The following CACNA1A variants were observed in gnomAD, a reference collection of about 807,000 sequenced individuals.
The protein encoded by CACNA1A is voltage-dependent P/Q-type calcium channel subunit alpha-1A.
A neutral mutation model predicts 262.4 loss-of-function variants in CACNA1A; 57 were observed. That is an observed-to-expected ratio of 0.22 (90% CI 0.18 to 0.27). The LOEUF (loss-of-function observed/expected upper bound fraction) is 0.27, where lower values mean the gene tolerates loss of function less well. Ranked by LOEUF, CACNA1A falls within the 10% of genes least tolerant of loss-of-function variation. CACNA1A has a pLI of 1.00. For synonymous variants in CACNA1A, 1,431 were observed against 1,419.3 expected (o/e 1.01, Z -0.18); for missense variants, 2,526 against 3,562.8 (o/e 0.71, Z 7.41).
At position 13,378,312 on chromosome 19, in the gene CACNA1A, G is replaced by C. The variant is rs2059452658; in HGVS notation, c.540-6533C>G. On this transcript the variant is annotated intron_variant, in intron 3 of 46. Transcript: ENST00000360228. ...AAAATTCTGTGAACACTGTTAAAAT[G>C]ACAACATGAGATTTAGAATATGACA... 2.0e-5 allele frequency among the ~76,000 whole-genome samples: 3 copies of C among 152,174 alleles called. No homozygotes were observed. In the South Asian group the frequency reaches 6.2e-4, roughly 32 times the overall value.
At chr19:13,305,154 G>C (rs2144988487) in intron 15 of CACNA1A, among the ~76,000 whole-genome samples, 1 of 152,344 alleles carries the variant, frequency 6.6e-6, no homozygotes, top group African/African-American at 2.4e-5. Context: ...GATCAAGCGA[G>C]TTTCCACTGT....
intron 6 of CACNA1A, among the ~76,000 whole-genome samples, chr19:13,354,494 C>T (rs545466611): frequency 1.3e-5 from 2 of 152,328 alleles, no homozygotes; most frequent in African/African-American, 4.8e-5. Context: ...CTGTGTCCTC[C>T]TCAGCAGAAA....
chr19:13,323,828 C>A (rs1451815876), intron 10 of CACNA1A, among the ~76,000 whole-genome samples: 1 of 152,046 alleles, frequency 6.6e-6, no homozygotes, highest in Non-Finnish European at 1.5e-5. Flanking sequence ...GAGGTCCTGT[C>A]CAAAAAATCA....
intron 1 of CACNA1A, among the ~76,000 whole-genome samples, chr19:13,468,812 C>G (rs2061299541): frequency 6.6e-6 from 1 of 151,944 alleles, no homozygotes; most frequent in South Asian, 2.1e-4. Flanking sequence ...AATAAAAAAC[C>G]TTTAACCTGG....
At chr19:13,280,810 G>A (rs918208625) in intron 22 of CACNA1A, among the ~76,000 whole-genome samples, 3 of 151,806 alleles carry the variant, frequency 2.0e-5, no homozygotes, top group East Asian at 1.9e-4. Flanking sequence ...GTGTGGTGGC[G>A]CCTGCCTGTA....
chr19:13,415,871 C>G (rs2060212256), intron 3 of CACNA1A, among the ~76,000 whole-genome samples: 1 of 150,432 alleles, frequency 6.6e-6, no homozygotes, highest in Non-Finnish European at 1.5e-5. Context: ...GGTCACCTAG[C>G]AAGTGAGGGA....
chr19:13,286,950 C>A lies in CACNA1A; in HGVS notation c.3106G>T (p.Gly1036Trp). The stretch of plus-strand genomic sequence containing the variant: ...AGGTTGGGGCCCGACACAGGGACCC[C>A]GGAGCCCTGGTTCTCTCTGAGGAAG... The part of the protein sequence containing the change: ...HRRRKENQGS[G>W]VPVSGPNLST... Residue 1036 changes from glycine to tryptophan, a missense_variant, in exon 20 of 47, where the codon GGG (glycine) becomes TGG (tryptophan). Physicochemically the swap from Gly to Trp is radical, Grantham distance 184. This residue lies in a region of CACNA1A where 765 missense variants were observed against 748.6 expected (regional missense o/e 1.02). Coordinates refer to ENST00000360228, the MANE Select transcript of CACNA1A (RefSeq NM_001127222.2). 4.4e-6 allele frequency: 7 copies of A among 1,601,262 alleles called. No individual in the cohort carries two copies. Among genetic ancestry groups the A allele is most frequent in the Non-Finnish European group, 6.0e-6 (7 of 1,172,568 alleles).
At chr19:13,394,102 G>T (rs970575000) in intron 3 of CACNA1A, among the ~76,000 whole-genome samples, 1 of 152,112 alleles carries the variant, frequency 6.6e-6, no homozygotes, top group Non-Finnish European at 1.5e-5. Flanking sequence ...AACATTTCTT[G>T]AGTGCTTGCT....
chr19:13,431,037 G>C (rs971814208), intron 3 of CACNA1A, among the ~76,000 whole-genome samples: 2 of 152,026 alleles, frequency 1.3e-5, no homozygotes, highest in African/African-American at 4.8e-5. Flanking sequence ...AGTGAGTGGA[G>C]AGGAGAGTGG....
chr19:13,207,365 G>T lies in CACNA1A; in HGVS notation c.7469C>A (p.Ser2490Tyr), dbSNP rs749084618. Reference sequence around the variant, plus strand: ...GTAGGGTTCGTGCAGGCCCTTCCTGGAGCCCGGCCCGCGGGGCCTGGCCAG... The same window carrying T: ...GTAGGGTTCGTGCAGGCCCTTCCTGTAGCCCGGCCCGCGGGGCCTGGCCAG... Reference protein sequence around the residue: ...HGLARPRGPGSRKGLHEPYSE... With the variant: ...HGLARPRGPGYRKGLHEPYSE... The change falls in exon 47 of 47, where the codon TCC becomes TAC. Residue 2490 changes from serine to tyrosine, a missense_variant. Physicochemically the swap from Ser to Tyr is moderately radical, Grantham distance 144 (BLOSUM62 -2). Around this residue, in one of 17 missense-constraint regions of CACNA1A, gnomAD observed 929 missense variants for 868.1 expected, o/e 1.07. Coordinates refer to ENST00000360228, the MANE Select transcript of CACNA1A (RefSeq NM_001127222.2). The surrounding 1 kb of genome is among the most constrained non-coding windows in gnomAD (Gnocchi z 5.7). The T allele has an allele frequency of 2.6e-6, 4 of 1,553,868 alleles. No individual in the cohort carries two copies. Among genetic ancestry groups the T allele is most frequent in the East Asian group, 2.4e-5 (1 of 42,124 alleles).
chr19:13,261,918 T>C, intron 25 of CACNA1A: 1 of 263,180 alleles, frequency 3.8e-6, no homozygotes, highest in Non-Finnish European at 7.3e-6. Flanking sequence ...CTCTCAATCC[T>C]TTTGAGTGAA....
intron 31 of CACNA1A, among the ~76,000 whole-genome samples, chr19:13,240,128 G>A (rs188627167): frequency 2.7e-5 from 4 of 149,572 alleles, no homozygotes; most frequent in Admixed American, 6.7e-5. Context: ...GCCAGCCTGG[G>A]TGACAGAGCG....
intron 1 of CACNA1A, among the ~76,000 whole-genome samples, chr19:13,494,611 C>G (rs185260498): frequency 7.8e-4 from 119 of 152,248 alleles, no homozygotes; most frequent in African/African-American, 2.7e-3. Context: ...GTGTGTTAGT[C>G]CGTTTTCACA....
intron 3 of CACNA1A, among the ~76,000 whole-genome samples, chr19:13,416,299 T>C (rs1116199): frequency 0.55 from 82,699 of 151,644 alleles, 22,648 homozygotes; most frequent in East Asian, 0.61. Context: ...GATGGGGTCT[T>C]CCTATGTTGC....
At chr19:13,325,051 T>A (rs2058329941) in intron 10 of CACNA1A, among the ~76,000 whole-genome samples, 1 of 151,026 alleles carries the variant, frequency 6.6e-6, no homozygotes, top group South Asian at 2.1e-4. Context: ...TTCTTCCTCT[T>A]CCCCTTCCCC....
chr19:13,383,046 C>T (rs1309998671), intron 3 of CACNA1A, among the ~76,000 whole-genome samples: 1 of 152,122 alleles, frequency 6.6e-6, no homozygotes, highest in East Asian at 1.9e-4. Flanking sequence ...GGGTGAGGGG[C>T]AACGGTGGTG....
At chr19:13,448,789 G>A (rs1331217575) in intron 3 of CACNA1A, among the ~76,000 whole-genome samples, 3 of 152,040 alleles carry the variant, frequency 2.0e-5, no homozygotes, top group Admixed American at 6.6e-5. Context: ...ATAAATACAC[G>A]GCAGCATACT....
intron 12 of CACNA1A, among the ~76,000 whole-genome samples, chr19:13,311,862 TA>T (rs938407895): frequency 1.5e-4 from 23 of 151,148 alleles, no homozygotes; most frequent in African/African-American, 2.4e-4. Context: ...AAACAAAAAA[TA>T]AAAAAAAATA....
chr19:13,381,827 GGT>G (rs2059528542), intron 3 of CACNA1A, among the ~76,000 whole-genome samples: 1 of 152,204 alleles, frequency 6.6e-6, no homozygotes. Context: ...CAAGGGGGAG[GGT>G]GTGAGGGGAC....
Sources: allele counts gnomAD v4.1 joint callset (sites outside exome capture counted in the v4.1 genomes callset), GRCh38; gene constraint gnomAD v4.1.1; regional missense constraint gnomAD v4.1.1; non-coding constraint Gnocchi (gnomAD v3.1); transcripts MANE v1.5; gene names NCBI Gene and HGNC (gene_info 2026-07-23, HGNC 2026-07-21).